The following C12orf54 variants were observed in gnomAD, a reference collection of about 807,000 sequenced individuals.
The protein encoded by C12orf54 is chromosome 12 open reading frame 54.
Under a neutral mutation model 26.4 loss-of-function variants are expected in C12orf54, and 24 were observed. The observed-to-expected ratio is 0.91, with a 90% CI of 0.66 to 1.28. The LOEUF is 1.28. Ranked by LOEUF, C12orf54 falls within the 50% of genes most tolerant of loss-of-function variation. The pLI is 0.00. For missense variants in C12orf54, 154 were observed against 150.9 expected (o/e 1.02, Z -0.11); for synonymous variants, 54 against 47.0 (o/e 1.15, Z -0.61).
chr12:48,427,246 T>A, the C12orf54 span, among the ~76,000 whole-genome samples: 1 of 152,164 alleles, frequency 6.6e-6, no homozygotes, highest in Non-Finnish European at 1.5e-5. Flanking sequence ...TTTTGAGGAA[T>A]GTTCATTTGA....
chr12:48,458,422 T>C, the C12orf54 span, among the ~76,000 whole-genome samples: 120 of 152,298 alleles, frequency 7.9e-4, 2 homozygotes, highest in African/African-American at 2.6e-3. Context: ...AGGCTTCTCT[T>C]TCCCATAATT....
At chr12:48,463,419 G>C in the C12orf54 span, among the ~76,000 whole-genome samples, 1 of 151,830 alleles carries the variant, frequency 6.6e-6, no homozygotes, top group Admixed American at 6.6e-5. Context: ...CTCCAAAATC[G>C]AGTCAGTAAT....
At position 48,486,730 on chromosome 12, in the gene C12orf54, AG is replaced by A; in HGVS notation, c.135+5del. 1.2e-6 allele frequency: 2 copies of A among 1,612,132 alleles called. No homozygotes were observed. The highest frequency in any genetic ancestry group is 2.2e-5 in the South Asian group (2 of 91,010). ...CACTGAAACCCTGTGGGACCAGGTGAGTACAGAGGAATCATTTTTGACAGCA... is the reference window on the plus strand; with the variant it reads ...CACTGAAACCCTGTGGGACCAGGTGATACAGAGGAATCATTTTTGACAGCA... On this transcript the variant is annotated splice_donor_5th_base_variant and intron_variant, in intron 4 of 8. Transcript: ENST00000548364.
the C12orf54 span, among the ~76,000 whole-genome samples, chr12:48,433,095 A>C: frequency 6.6e-6 from 1 of 152,200 alleles, no homozygotes; most frequent in Admixed American, 6.5e-5. Context: ...CAATAGGAAC[A>C]AAAAATAGAT....
At chr12:48,417,075 G>A in the C12orf54 span, 1 of 152,178 alleles carries the variant, frequency 6.6e-6, no homozygotes, top group South Asian at 2.1e-4. Context: ...CCACAATCAT[G>A]AGTCAAATAA....
the C12orf54 span, among the ~76,000 whole-genome samples, chr12:48,419,710 C>T: frequency 6.6e-6 from 1 of 152,170 alleles, no homozygotes; most frequent in South Asian, 2.1e-4. Flanking sequence ...GTGATAAGTG[C>T]CCAAGGAGCT....
the C12orf54 span, among the ~76,000 whole-genome samples, chr12:48,465,851 G>A: frequency 3.9e-5 from 6 of 152,236 alleles, no homozygotes; most frequent in African/African-American, 1.4e-4. Context: ...TTACAAGTGG[G>A]AGCCAATGTG....
chr12:48,427,998 A>G, the C12orf54 span, among the ~76,000 whole-genome samples: 33 of 152,266 alleles, frequency 2.2e-4, no homozygotes, highest in East Asian at 6.4e-3. Context: ...GAATAAAACC[A>G]GAAATCAACT....
the C12orf54 span, among the ~76,000 whole-genome samples, chr12:48,434,084 G>A: frequency 6.6e-6 from 1 of 152,216 alleles, no homozygotes; most frequent in Non-Finnish European, 1.5e-5. Context: ...CTTTTCCAAT[G>A]GGCTTAACAA....
chr12:48,440,589 G>A, the C12orf54 span, among the ~76,000 whole-genome samples: 15 of 152,296 alleles, frequency 9.8e-5, no homozygotes, highest in East Asian at 3.9e-4. Context: ...AGGGCCAAGC[G>A]GCAGAGCTAC....
At chr12:48,479,218 T>C (rs1395154571), upstream of C12orf54, among the ~76,000 whole-genome samples, 2 of 152,128 alleles carry the variant, frequency 1.3e-5, no homozygotes, top group East Asian at 1.9e-4. Flanking sequence ...TGTAGGGACA[T>C]GGATGAAACA....
chr12:48,439,779 G>A, the C12orf54 span, among the ~76,000 whole-genome samples: 1 of 152,024 alleles, frequency 6.6e-6, no homozygotes, highest in Non-Finnish European at 1.5e-5. Context: ...GATAGCATTA[G>A]GAGATATACC....
the C12orf54 span, among the ~76,000 whole-genome samples, chr12:48,448,956 T>C: frequency 6.9e-4 from 105 of 152,304 alleles, no homozygotes; most frequent in African/African-American, 2.4e-3. Context: ...ATTGGTTTGG[T>C]CCAGAAAGGT....
chr12:48,486,452 A>G (rs1346703627), intron 3 of C12orf54: 5 of 623,550 alleles, frequency 8.0e-6, no homozygotes, highest in Non-Finnish European at 1.4e-5. Flanking sequence ...TGGTAAACAA[A>G]TGAGTCTGTT....
chr12:48,460,585 T>C, the C12orf54 span, among the ~76,000 whole-genome samples: 1 of 152,178 alleles, frequency 6.6e-6, no homozygotes, highest in South Asian at 2.1e-4. Context: ...TTAATGATAA[T>C]TGACTATTTA....
chr12:48,433,184 GC>G, the C12orf54 span, among the ~76,000 whole-genome samples: 6 of 152,298 alleles, frequency 3.9e-5, no homozygotes, highest in South Asian at 1.2e-3. Flanking sequence ...CAGCAGATCA[GC>G]CTTGGTGAAT....
At chr12:48,461,228 A>G in the C12orf54 span, among the ~76,000 whole-genome samples, 48 of 152,172 alleles carry the variant, frequency 3.2e-4, no homozygotes, top group African/African-American at 9.6e-4. Flanking sequence ...GCATCTGTGC[A>G]TCTGACAAAA....
At chr12:48,444,833 A>T in the C12orf54 span, among the ~76,000 whole-genome samples, 16 of 152,326 alleles carry the variant, frequency 1.1e-4, no homozygotes, top group Admixed American at 3.3e-4. Flanking sequence ...AAAAGTATCT[A>T]GTACTGTGGC....
At chr12:48,494,572 A>G (rs1487611782) in intron 7 of C12orf54, among the ~76,000 whole-genome samples, 2 of 152,178 alleles carry the variant, frequency 1.3e-5, no homozygotes, top group Non-Finnish European at 2.9e-5. Flanking sequence ...TGATGAAAAC[A>G]TAGGCTGTAA....
Sources: allele counts gnomAD v4.1 joint callset (sites outside exome capture counted in the v4.1 genomes callset), GRCh38; gene constraint gnomAD v4.1.1; transcripts MANE v1.5; gene names NCBI Gene and HGNC (gene_info 2026-07-23, HGNC 2026-07-21).